Variants in KCNN2 observed in about 807,000 individuals in gnomAD.
KCNN2 encodes small conductance calcium-activated potassium channel protein 2.
A neutral mutation model predicts 55.5 loss-of-function variants in KCNN2; 24 were observed. The observed-to-expected ratio is 0.43, with a 90% CI of 0.31 to 0.61. KCNN2 has a LOEUF of 0.61. Among genes scored for constraint, KCNN2 ranks in the 20% least tolerant of loss-of-function variants. The pLI, the probability that KCNN2 is intolerant of heterozygous loss-of-function variation, is 0.08. For missense variants in KCNN2, 754 were observed against 853.6 expected, an observed-to-expected ratio of 0.88 and a Z score of 1.45; for synonymous variants, 431 against 336.1, an observed-to-expected ratio of 1.28 and a Z score of -3.09.
chr5:114,268,843 G>A (rs1755260186), intron 2 of KCNN2, among the ~76,000 whole-genome samples: 1 of 151,890 alleles, frequency 6.6e-6, no homozygotes, highest in Non-Finnish European at 1.5e-5. Context: ...AAATGTAATT[G>A]AGTACCACAA....
intron 2 of KCNN2, among the ~76,000 whole-genome samples, chr5:114,381,843 G>A (rs1325325889): frequency 2.0e-5 from 3 of 152,192 alleles, no homozygotes; most frequent in African/African-American, 7.2e-5. Flanking sequence ...AGCTATGCCA[G>A]TGTATGCTGC....
At chr5:114,466,441 T>C (rs981620375) in intron 4 of KCNN2, among the ~76,000 whole-genome samples, 2 of 150,588 alleles carry the variant, frequency 1.3e-5, no homozygotes, top group Non-Finnish European at 2.9e-5. Context: ...ATTGTTTTAC[T>C]TAGCATTTAC....
intron 2 of KCNN2, among the ~76,000 whole-genome samples, chr5:114,274,642 T>G (rs1463677337): frequency 6.6e-6 from 1 of 152,188 alleles, no homozygotes; most frequent in African/African-American, 2.4e-5. Flanking sequence ...TGTTTGTCTG[T>G]TATTGGTATA....
At chr5:114,121,083 G>A (rs1333351049) in intron 1 of KCNN2, among the ~76,000 whole-genome samples, 1 of 152,198 alleles carries the variant, frequency 6.6e-6, no homozygotes, top group African/African-American at 2.4e-5. Context: ...CATCCAGTCA[G>A]GGTGTCCTGA....
intron 3 of KCNN2, among the ~76,000 whole-genome samples, chr5:114,444,979 A>G (rs987807911): frequency 7.2e-5 from 11 of 152,142 alleles, no homozygotes; most frequent in Non-Finnish European, 1.2e-4. Flanking sequence ...CTAAACCAGC[A>G]GGTTGTTTAT....
intron 5 of KCNN2, among the ~76,000 whole-genome samples, chr5:114,486,457 C>T (rs1285212410): frequency 1.3e-5 from 2 of 152,196 alleles, no homozygotes; most frequent in African/African-American, 4.8e-5. Flanking sequence ...TTGTCCCATC[C>T]ATTTGAAATA....
At chr5:114,092,556 TC>T (rs1751166978) in intron 1 of KCNN2, among the ~76,000 whole-genome samples, 1 of 152,188 alleles carries the variant, frequency 6.6e-6, no homozygotes, top group African/African-American at 2.4e-5. Context: ...CTGTGGGGGC[TC>T]TGACCCCACA....
At chr5:114,330,510 G>A (rs1260308895) in intron 2 of KCNN2, among the ~76,000 whole-genome samples, 1 of 152,084 alleles carries the variant, frequency 6.6e-6, no homozygotes, top group Non-Finnish European at 1.5e-5. Flanking sequence ...TGGCTTCTAT[G>A]ATCATACATC....
rs144563650 is a variant in KCNN2, at chr5:114,374,128, A to C, written c.1218+10127A>C. On this transcript the variant is annotated intron_variant, in intron 2 of 7. Transcript: ENST00000673685. ...AATGGCCATTTTCCACATAAACTTA[A>C]CATGGATGTGGCTTCATCCTGGAAT... Among the ~76,000 whole-genome samples, 335 of 152,192 alleles carry C rather than the reference A, an allele frequency of 2.2e-3. 1 individual carries two copies. The highest frequency in any genetic ancestry group is 7.6e-3 in the African/African-American group (315 of 41,534).
chr5:114,294,648 G>A (rs904854022), intron 2 of KCNN2, among the ~76,000 whole-genome samples: 3 of 152,152 alleles, frequency 2.0e-5, no homozygotes, highest in Non-Finnish European at 4.4e-5. Context: ...GTGGTGTGGT[G>A]CTGAAAAGAA....
At chr5:114,379,931 ATAT>A (rs954009419) in intron 2 of KCNN2, among the ~76,000 whole-genome samples, 2 of 148,914 alleles carry the variant, frequency 1.3e-5, no homozygotes, top group African/African-American at 4.9e-5. Context: ...TATACCATCT[ATAT>A]TATATGTAAA....
chr5:114,065,550 G>A (rs1022544789), intron 1 of KCNN2, among the ~76,000 whole-genome samples: 4 of 152,156 alleles, frequency 2.6e-5, no homozygotes, highest in Non-Finnish European at 4.4e-5. Context: ...AAGGCTGAGA[G>A]AATCTCAGCC....
chr5:114,272,413 C>A (rs3101085), intron 2 of KCNN2, among the ~76,000 whole-genome samples: 3,092 of 23,164 alleles, frequency 0.13, 309 homozygotes, highest in African/African-American at 0.21. Context: ...ATGTACATAT[C>A]TACACACATA....
chr5:114,363,195 C>A lies in KCNN2; in HGVS notation c.1056C>A (p.Ile352=). Residue 352 remains isoleucine (I), a synonymous_variant, in exon 1 of 8, where the codon ATC becomes ATA. Transcript: ENST00000673685. ...AGCGGCTCAGCGACTACGCGCTCATCTTCGGCATGTTCGGCATCGTGGTCA... is the reference window on the plus strand; with the variant it reads ...AGCGGCTCAGCGACTACGCGCTCATATTCGGCATGTTCGGCATCGTGGTCA... ...KRKRLSDYAL[I]FGMFGIVVMV... The A allele has an allele frequency of 6.2e-7, 1 of 1,613,454 alleles. No homozygotes were observed. Among genetic ancestry groups the A allele is most frequent in the East Asian group, 2.2e-5 (1 of 44,864 alleles).
intron 3 of KCNN2, chr5:114,433,641 C>G (rs1033121074): frequency 6.6e-5 from 10 of 152,600 alleles, no homozygotes; most frequent in African/African-American, 2.4e-4. Context: ...CGCGAAAGGT[C>G]TGCAGCTTCA....
At chr5:114,312,414 CACACACACACACACACACACATATATAT>C (rs1756409075) in intron 2 of KCNN2, among the ~76,000 whole-genome samples, 3 of 75,210 alleles carry the variant, frequency 4.0e-5, no homozygotes, top group African/African-American at 1.1e-4. Flanking sequence ...CACACACACA[CACACACACACACACACACACATATATAT>C]ATATATATAT....
chr5:114,213,662 T>G (rs1486094205), intron 1 of KCNN2, among the ~76,000 whole-genome samples: 1 of 152,042 alleles, frequency 6.6e-6, no homozygotes, highest in East Asian at 1.9e-4. Context: ...GCTAAGTCTG[T>G]TGTTATGATC....
intron 2 of KCNN2, among the ~76,000 whole-genome samples, chr5:114,312,428 CACACACATATATAT>C (rs1447290961): frequency 1.4e-3 from 32 of 22,192 alleles, no homozygotes; most frequent in African/African-American, 2.3e-3. Flanking sequence ...CACACACACA[CACACACATATATAT>C]ATATATATAT....
intron 2 of KCNN2, among the ~76,000 whole-genome samples, chr5:114,326,118 T>C (rs1286902374): frequency 6.6e-6 from 1 of 152,106 alleles, no homozygotes; most frequent in Non-Finnish European, 1.5e-5. Context: ...ATTTTGAAAT[T>C]TGGGGATTGC....
Sources: gnomAD v4.1 joint callset for allele counts (sites outside exome capture counted in the v4.1 genomes callset) on GRCh38, gnomAD v4.1.1 for gene constraint, MANE v1.5 for transcripts, NCBI Gene and HGNC (gene_info 2026-07-23, HGNC 2026-07-21) for gene names.